SUSD1: variants seen among roughly 807,000 people sequenced by gnomAD.
The protein encoded by SUSD1 is sushi domain containing 1, also known as sushi domain-containing protein 1.
Under a neutral mutation model 86.9 loss-of-function variants are expected in SUSD1, and 65 were observed. The observed-to-expected ratio is 0.75, with a 90% CI of 0.61 to 0.92. The LOEUF (loss-of-function observed/expected upper bound fraction) is 0.92, where lower values mean the gene tolerates loss of function less well. Among genes scored for constraint, SUSD1 ranks in the 40% least tolerant of loss-of-function variants. The pLI, the probability that SUSD1 is intolerant of heterozygous loss-of-function variation, is 0.00. For missense variants in SUSD1, 850 were observed against 929.7 expected (o/e 0.91, Z 1.11); for synonymous variants, 346 against 350.0 (o/e 0.99, Z 0.13).
Position 112,076,170 on chromosome 9 carries a change from A to G in SUSD1, c.1753+2368T>C, listed in dbSNP as rs1347078794. On this transcript the variant is annotated intron_variant, in intron 12 of 16. Transcript: ENST00000374270. ...TTTTAAAAGATCACTCTGAGTGCTG[A>G]GTGATCTTTTGAAAGTTATGGTGAA... Among the ~76,000 whole-genome samples, 4 of 152,182 alleles carry G rather than the reference A, an allele frequency of 2.6e-5. No individual in the cohort carries two copies. In the East Asian group the frequency reaches 5.8e-4, roughly 22 times the overall value.
At chr9:112,078,882 C>A (rs572570506) in intron 11 of SUSD1, among the ~76,000 whole-genome samples, 158 bp from the exon 12 acceptor site, 40 of 144,732 alleles carry the variant, frequency 2.8e-4, no homozygotes, top group African/African-American at 1.0e-3. Flanking sequence ...GGCATGACCT[C>A]GGCTCACTGC....
intron 13 of SUSD1, among the ~76,000 whole-genome samples, chr9:112,060,840 T>A (rs1256543256): frequency 6.6e-6 from 1 of 152,144 alleles, no homozygotes; most frequent in African/African-American, 2.4e-5. Context: ...AAGTACATCT[T>A]TAAATCCCTC....
At chr9:112,169,113 C>CA (rs113283670) in intron 1 of SUSD1, among the ~76,000 whole-genome samples, 1,716 of 147,994 alleles carry the variant, frequency 0.012, 35 homozygotes, top group African/African-American at 0.039. Context: ...ACATCCCTGA[C>CA]AAAAAAAAAA....
intron 15 of SUSD1, among the ~76,000 whole-genome samples, chr9:112,049,953 T>C (rs759019703): frequency 2.0e-5 from 3 of 152,204 alleles, no homozygotes; most frequent in Non-Finnish European, 4.4e-5. Flanking sequence ...AATTTAATCA[T>C]AGCAGAATGA....
intron 10 of SUSD1, among the ~76,000 whole-genome samples, chr9:112,083,904 A>C (rs1054717496): frequency 6.6e-6 from 1 of 152,198 alleles, no homozygotes; most frequent in Non-Finnish European, 1.5e-5. Context: ...TGCGCTTTAC[A>C]TATTATAACA....
intron 5 of SUSD1, among the ~76,000 whole-genome samples, chr9:112,137,563 C>T (rs1421059274): frequency 6.6e-6 from 1 of 152,112 alleles, no homozygotes; most frequent in Non-Finnish European, 1.5e-5. Context: ...ATTGAAAGAT[C>T]ATCTTAGAAC....
chr9:112,102,565 A>T (rs1310979520), intron 8 of SUSD1, among the ~76,000 whole-genome samples: 1 of 152,234 alleles, frequency 6.6e-6, no homozygotes, highest in Non-Finnish European at 1.5e-5. Context: ...ATCAAATGAA[A>T]TATTTAAAAA....
At chr9:112,169,692 G>A (rs1285605999) in intron 1 of SUSD1, among the ~76,000 whole-genome samples, 1 of 79,192 alleles carries the variant, frequency 1.3e-5, no homozygotes, top group South Asian at 4.1e-4. Context: ...TTTTTTTTTT[G>A]AGATGGAGTT....
At chr9:112,059,391 G>A (rs1348710890) in intron 13 of SUSD1, among the ~76,000 whole-genome samples, 1 of 152,206 alleles carries the variant, frequency 6.6e-6, no homozygotes, top group East Asian at 1.9e-4. Context: ...TGTGGAAAGG[G>A]TTAGCAGTCA....
intron 1 of SUSD1, among the ~76,000 whole-genome samples, chr9:112,167,861 G>C (rs575869758): frequency 6.6e-6 from 1 of 152,288 alleles, no homozygotes; most frequent in Admixed American, 6.5e-5. Flanking sequence ...GGCTGGGGAA[G>C]CCTCACAGTC....
intron 10 of SUSD1, among the ~76,000 whole-genome samples, chr9:112,089,298 T>G (rs572171160): frequency 6.6e-6 from 1 of 151,976 alleles, no homozygotes; most frequent in Non-Finnish European, 1.5e-5. Flanking sequence ...GCAGAAAATA[T>G]AACACAATAC....
intron 15 of SUSD1, among the ~76,000 whole-genome samples, chr9:112,051,034 G>T (rs999907734): frequency 6.6e-6 from 1 of 152,232 alleles, no homozygotes; most frequent in Admixed American, 6.5e-5. Context: ...CCATTCTGCT[G>T]CCAGGGCAGG....
chr9:112,157,225 G>C (rs1286522367), intron 2 of SUSD1, among the ~76,000 whole-genome samples: 1 of 152,140 alleles, frequency 6.6e-6, no homozygotes, highest in Non-Finnish European at 1.5e-5. Context: ...TTAAACTTAA[G>C]ACTTGAAACA....
intron 2 of SUSD1, among the ~76,000 whole-genome samples, chr9:112,150,399 C>A (rs892261330): frequency 3.3e-5 from 5 of 152,198 alleles, no homozygotes; most frequent in African/African-American, 1.2e-4. Flanking sequence ...TTTGTTACTT[C>A]GTGTTTTATT....
At chr9:112,093,364 A>G (rs1830277081) in intron 10 of SUSD1, among the ~76,000 whole-genome samples, 1 of 152,196 alleles carries the variant, frequency 6.6e-6, no homozygotes, top group Non-Finnish European at 1.5e-5. Flanking sequence ...AGGTACAAGG[A>G]GCACTCTGGG....
chr9:112,156,939 C>T (rs1158328986), intron 2 of SUSD1, among the ~76,000 whole-genome samples: 1 of 152,148 alleles, frequency 6.6e-6, no homozygotes, highest in Non-Finnish European at 1.5e-5. Flanking sequence ...ACTGTCATGG[C>T]ATGGTGGATA....
chr9:112,128,043 T>C (rs895047730), intron 5 of SUSD1, among the ~76,000 whole-genome samples: 4 of 151,754 alleles, frequency 2.6e-5, no homozygotes, highest in Non-Finnish European at 2.9e-5. Context: ...ACTCAAGCAA[T>C]CTTACCGGCC....
At chr9:112,119,816 C>G (rs540458681) in intron 6 of SUSD1, among the ~76,000 whole-genome samples, 18 of 152,208 alleles carry the variant, frequency 1.2e-4, no homozygotes, top group African/African-American at 3.9e-4. Context: ...AAAATAAGTC[C>G]CACCAGCTTG....
intron 15 of SUSD1, among the ~76,000 whole-genome samples, chr9:112,048,774 A>G (rs149856137): frequency 6.6e-6 from 1 of 152,350 alleles, no homozygotes; most frequent in Non-Finnish European, 1.5e-5. Context: ...TTAATCTTGA[A>G]AAACAGGTGG....
Sources: gnomAD v4.1 joint callset for allele counts (sites outside exome capture counted in the v4.1 genomes callset) on GRCh38, gnomAD v4.1.1 for gene constraint, MANE v1.5 for transcripts, NCBI Gene and HGNC (gene_info 2026-07-23, HGNC 2026-07-21) for gene names.